Variants in TTC6 observed in about 807,000 individuals in gnomAD.
TTC6 encodes tetratricopeptide repeat protein 6.
TTC6 carries 172 observed loss-of-function variants against 210.4 expected under a neutral mutation model. The ratio of observed to expected loss-of-function variants is 0.82; its 90% CI spans 0.72 to 0.93. TTC6 has a LOEUF of 0.93. Ranked by LOEUF, TTC6 falls within the 40% of genes least tolerant of loss-of-function variation. The probability of loss-of-function intolerance (pLI) is 0.00; values close to 1 mark genes in which losing one functional copy is unlikely to be tolerated. For missense variants in TTC6, 2,414 were observed against 2,318.1 expected (o/e 1.04, Z -0.85); for synonymous variants, 804 against 819.6 (o/e 0.98, Z 0.32).
intron 1 of TTC6, among the ~76,000 whole-genome samples, chr14:37,642,913 GAT>G (rs1274915964): frequency 6.6e-6 from 1 of 152,178 alleles, no homozygotes; most frequent in African/African-American, 2.4e-5. Flanking sequence ...ACATAGAAAA[GAT>G]AGAGTAAAAA....
chr14:37,725,348 A>ATATGTATG lies in TTC6; in HGVS notation c.1818+349_1818+350insGTATGTAT, dbSNP rs754853973. The stretch of plus-strand genomic sequence containing the variant: ...TATATATATATATATATATATATAT[A>ATATGTATG]TATATATATAATTTTTTTTGAGATG... On this transcript the variant is annotated intron_variant, in intron 7 of 30. Transcript: ENST00000553443. 1.9e-4 allele frequency among the ~76,000 whole-genome samples: 22 copies of ATATGTATG among 113,286 alleles called. 1 individual carries two copies. Among genetic ancestry groups the ATATGTATG allele is most frequent in the Non-Finnish European group, 3.8e-4 (21 of 55,398 alleles). 74.3% of individuals were successfully genotyped at this position (113,286 alleles called of 152,430 possible).
In TTC6 at chr14:37,763,734, T is replaced by C. The variant is rs543296793; in HGVS notation, c.3266+10499T>C. On this transcript the variant is annotated intron_variant, in intron 14 of 30. Coordinates refer to ENST00000553443, the Ensembl canonical transcript of TTC6. ...TCTAGCTAAGGAATTGTCAATTTTG[T>C]TGATATTTAAAAACACCAACATTTG... is the stretch of plus-strand genomic sequence containing the variant. Among the ~76,000 whole-genome samples the C allele has an allele frequency of 9.9e-5, 15 of 152,278 alleles. No homozygotes were observed. The East Asian group carries it at 2.9e-3, about 30-fold the overall frequency.
At chr14:37,663,379 A>T (rs1446567290) in intron 1 of TTC6, among the ~76,000 whole-genome samples, 1 of 152,184 alleles carries the variant, frequency 6.6e-6, no homozygotes, top group Non-Finnish European at 1.5e-5. Context: ...AAATTAAATG[A>T]CTGTGGAAAC....
chr14:37,812,735 G>A (rs1283316442), intron 25 of TTC6, among the ~76,000 whole-genome samples: 1 of 152,164 alleles, frequency 6.6e-6, no homozygotes, highest in African/African-American at 2.4e-5. Context: ...AATGATTCCT[G>A]TAATGTGTAC....
At chr14:37,781,017 C>T (rs770884040) in intron 14 of TTC6, among the ~76,000 whole-genome samples, 98 of 152,322 alleles carry the variant, frequency 6.4e-4, no homozygotes, top group Non-Finnish European at 1.1e-3. Flanking sequence ...TTTTCTTAAT[C>T]CATTCTATCA....
intron 10 of TTC6, among the ~76,000 whole-genome samples, chr14:37,741,692 C>T: frequency 6.6e-6 from 1 of 152,150 alleles, no homozygotes; most frequent in East Asian, 1.9e-4. Context: ...GCTGGCCTCC[C>T]TTAATGGTGG....
In TTC6 at chr14:37,789,618, T is replaced by A. The variant is rs189967597; in HGVS notation, c.3437-1099T>A. Among the ~76,000 whole-genome samples, 148 of 106,064 alleles carry A rather than the reference T, an allele frequency of 1.4e-3. 1 individual carries two copies. The highest frequency in any genetic ancestry group is 5.5e-3 in the Admixed American group (58 of 10,586). The allele number at this position is 106,064 out of a possible 152,430, so 69.6% of individuals were successfully genotyped here. ...CTCTTATATATATATATATATATAT[T>A]GTATATACTCTATGTATATTCTATA... On this transcript the variant is annotated intron_variant, in intron 15 of 30. Coordinates refer to ENST00000553443, the Ensembl canonical transcript of TTC6.
chr14:37,747,668 A>G (rs2095940144), intron 10 of TTC6, among the ~76,000 whole-genome samples: 1 of 152,176 alleles, frequency 6.6e-6, no homozygotes, highest in Non-Finnish European at 1.5e-5. Context: ...GAGAAGACAG[A>G]GACCAGGCGA....
intron 1 of TTC6, among the ~76,000 whole-genome samples, chr14:37,655,206 A>G (rs552014631): frequency 9.8e-5 from 15 of 152,334 alleles, no homozygotes; most frequent in African/African-American, 3.4e-4. Context: ...TTGAATTATC[A>G]TACTCTAAAG....
At position 37,669,367 on chromosome 14, in the gene TTC6, A is replaced by G. The variant is rs570371207; in HGVS notation, c.940-10784A>G. On this transcript the variant is annotated intron_variant, in intron 1 of 30. Transcript: ENST00000553443. ...TAAGTGGCACGTGTGCACCTGCCCC[A>G]GGGGAAGAGAAAGGATCTCAAAATC... Among the ~76,000 whole-genome samples, 4 of 152,310 alleles carry G rather than the reference A, an allele frequency of 2.6e-5. No homozygotes were observed. In the South Asian group the frequency reaches 8.3e-4, roughly 32 times the overall value.
At chr14:37,624,029 A>G (rs995217533) in intron 1 of TTC6, among the ~76,000 whole-genome samples, 4 of 152,228 alleles carry the variant, frequency 2.6e-5, no homozygotes, top group African/African-American at 7.2e-5. Flanking sequence ...CAAATATCTT[A>G]TTAGTACACA....
chr14:37,679,771 A>G (rs1374990432), intron 1 of TTC6, among the ~76,000 whole-genome samples: 1 of 151,906 alleles, frequency 6.6e-6, no homozygotes, highest in Non-Finnish European at 1.5e-5. Context: ...GCTCACTGCA[A>G]CCTCTTCCTC....
In TTC6 at chr14:37,623,742, A is replaced by G. The variant is rs536920641; in HGVS notation, c.939+739A>G. On this transcript the variant is annotated intron_variant, in intron 1 of 30. Transcript: ENST00000553443. Reference sequence around the variant, plus strand: ...ATTCCACCCCAGGCAGTCTCATCCAAGACACTGAGCTGGAACCATGCCCAG... The same window carrying G: ...ATTCCACCCCAGGCAGTCTCATCCAGGACACTGAGCTGGAACCATGCCCAG... Among the ~76,000 whole-genome samples, 88 of 152,344 alleles carry G rather than the reference A, an allele frequency of 5.8e-4. No individual in the cohort carries two copies. The South Asian group carries it at 0.018, about 32-fold the overall frequency.
intron 3 of TTC6, among the ~76,000 whole-genome samples, chr14:37,694,922 C>G (rs376323793): frequency 3.3e-5 from 5 of 151,468 alleles, no homozygotes; most frequent in African/African-American, 1.2e-4. Flanking sequence ...ATGCCTGTAG[C>G]CCCAGTTACT....
intron 14 of TTC6, among the ~76,000 whole-genome samples, chr14:37,786,409 G>A (rs767134846): frequency 3.9e-5 from 6 of 152,202 alleles, no homozygotes; most frequent in South Asian, 2.1e-4. Flanking sequence ...CTCCGTGGGC[G>A]TGGGACCCTC....
At chr14:37,653,267 A>G (rs922502396) in intron 1 of TTC6, among the ~76,000 whole-genome samples, 2 of 152,204 alleles carry the variant, frequency 1.3e-5, no homozygotes, top group South Asian at 2.1e-4. Flanking sequence ...ATGACATGAA[A>G]TGATGTGGCT....
chr14:37,748,663 G>T (rs1283482445), intron 10 of TTC6, among the ~76,000 whole-genome samples: 2 of 151,990 alleles, frequency 1.3e-5, no homozygotes, highest in African/African-American at 4.8e-5. Flanking sequence ...ATTGTAGAGG[G>T]TGTAAATTAA....
chr14:37,788,400 T>G (rs1050805406), intron 15 of TTC6, among the ~76,000 whole-genome samples: 4 of 152,140 alleles, frequency 2.6e-5, no homozygotes, highest in African/African-American at 9.7e-5. Flanking sequence ...TGTCTAGAGA[T>G]GAAGAGACAA....
chr14:37,810,876 G>A (rs537229907), intron 24 of TTC6, among the ~76,000 whole-genome samples: 17 of 152,282 alleles, frequency 1.1e-4, no homozygotes, highest in African/African-American at 2.6e-4. Flanking sequence ...GGCTTATTGT[G>A]TGACAGGAAC....
Sources: gnomAD v4.1 joint callset for allele counts (sites outside exome capture counted in the v4.1 genomes callset) on GRCh38, gnomAD v4.1.1 for gene constraint, MANE v1.5 for transcripts, NCBI Gene and HGNC (gene_info 2026-07-23, HGNC 2026-07-21) for gene names.